The following ZFHX3 variants were observed in gnomAD, a reference collection of about 807,000 sequenced individuals.
ZFHX3 encodes zinc finger homeobox 3.
ZFHX3 carries 42 observed loss-of-function variants against 279.1 expected under a neutral mutation model. That is an observed-to-expected ratio of 0.15 (90% CI 0.12 to 0.19). The LOEUF (loss-of-function observed/expected upper bound fraction) is 0.19. Among genes scored for constraint, ZFHX3 ranks in the 10% least tolerant of loss-of-function variants. The pLI, the probability that ZFHX3 is intolerant of heterozygous loss-of-function variation, is 1.00. For synonymous variants in ZFHX3, 2,293 were observed against 1,957.8 expected, an observed-to-expected ratio of 1.17 and a Z score of -4.52; for missense variants, 4,981 against 4,754.0, an observed-to-expected ratio of 1.05 and a Z score of -1.40.
At chr16:73,862,481 A>T (rs1961909430) in intron 1 of ZFHX3, among the ~76,000 whole-genome samples, 1 of 152,204 alleles carries the variant, frequency 6.6e-6, no homozygotes, top group South Asian at 2.1e-4. Context: ...GAAGTATAGA[A>T]AGATGTGACG....
intron 2 of ZFHX3, among the ~76,000 whole-genome samples, chr16:73,548,322 A>G (rs1040536061): frequency 4.6e-5 from 7 of 152,328 alleles, no homozygotes; most frequent in Admixed American, 3.3e-4. Context: ...AATAAACCGA[A>G]CACTGGAGGC....
intron 3 of ZFHX3, among the ~76,000 whole-genome samples, chr16:73,376,081 C>G (rs1278125369): frequency 1.3e-5 from 2 of 152,188 alleles, no homozygotes; most frequent in African/African-American, 4.8e-5. Flanking sequence ...TCATGGCTAT[C>G]CTGTTCCTCC....
intron 4 of ZFHX3, among the ~76,000 whole-genome samples, chr16:73,310,963 T>C (rs2015310303): frequency 6.6e-6 from 1 of 152,234 alleles, no homozygotes; most frequent in African/African-American, 2.4e-5. Flanking sequence ...CCAGGTGCAG[T>C]GGCTCACGCC....
chr16:73,688,821 A>G (rs1431205656), intron 1 of ZFHX3, among the ~76,000 whole-genome samples: 2 of 152,164 alleles, frequency 1.3e-5, no homozygotes, highest in Non-Finnish European at 2.9e-5. Context: ...TATTCTCATG[A>G]CAGTGAGTAA....
chr16:72,981,161 C>T (rs1962581237), intron 1 of ZFHX3, among the ~76,000 whole-genome samples: 1 of 152,178 alleles, frequency 6.6e-6, no homozygotes, highest in Non-Finnish European at 1.5e-5. Context: ...TCAAACACCA[C>T]CATCTACTGA....
At chr16:73,290,739 G>C (rs1443775494) in intron 4 of ZFHX3, among the ~76,000 whole-genome samples, 2 of 151,650 alleles carry the variant, frequency 1.3e-5, no homozygotes, top group Non-Finnish European at 3.0e-5. Context: ...GATAGAGGAG[G>C]AAAGAGCCAC....
rs1430434148 is a variant in ZFHX3 at position 73,553,591 on chromosome 16, C to CCACTGGTCACCTCCAATGT, written c.-1546-97352_-1546-97334dup. On this transcript the variant is annotated intron_variant, in intron 2 of 17. Transcript: ENST00000641206. ...GAGCCATTTTCCAATATAGTCCAAA[C>CCACTGGTCACCTCCAATGT]CACTGGTCACCTCCAATGTCACTGG... Among the ~76,000 whole-genome samples the CCACTGGTCACCTCCAATGT allele has an allele frequency of 3.3e-5, 5 of 152,176 alleles. No homozygotes were observed. The East Asian group carries it at 9.6e-4, about 29-fold the overall frequency.
intron 2 of ZFHX3, among the ~76,000 whole-genome samples, chr16:73,534,097 T>C (rs1423256725): frequency 6.6e-6 from 1 of 152,142 alleles, no homozygotes; most frequent in African/African-American, 2.4e-5. Context: ...CCCATGTTCT[T>C]ACAAGGGCCT....
chr16:73,615,251 C>T (rs562304722), intron 2 of ZFHX3, among the ~76,000 whole-genome samples: 2 of 151,772 alleles, frequency 1.3e-5, no homozygotes, highest in Admixed American at 6.6e-5. Flanking sequence ...ATGCATGTCC[C>T]GAGACAACTG....
chr16:73,869,747 T>G (rs1033524749), intron 1 of ZFHX3, among the ~76,000 whole-genome samples: 15 of 152,358 alleles, frequency 9.8e-5, no homozygotes, highest in African/African-American at 3.6e-4. Flanking sequence ...GGTAACAGTA[T>G]TCATGATACA....
intron 2 of ZFHX3, among the ~76,000 whole-genome samples, chr16:73,526,891 T>A (rs2019704868): frequency 6.6e-6 from 1 of 151,766 alleles, no homozygotes. Context: ...TATCTAGTAT[T>A]CGGTACCTCT....
intron 3 of ZFHX3, among the ~76,000 whole-genome samples, chr16:72,949,365 G>A (rs139214067): frequency 6.6e-6 from 1 of 152,308 alleles, no homozygotes; most frequent in Non-Finnish European, 1.5e-5. Flanking sequence ...GAGAGAGCGA[G>A]GGAGTGGAAG....
intron 3 of ZFHX3, among the ~76,000 whole-genome samples, chr16:73,417,453 A>G (rs2017614301): frequency 7.1e-6 from 1 of 140,660 alleles, no homozygotes; most frequent in Non-Finnish European, 1.5e-5. Flanking sequence ...TTTGTCTTCA[A>G]ACTCCTGGGC....
At chr16:73,465,745 T>G (rs556100591) in intron 2 of ZFHX3, among the ~76,000 whole-genome samples, 2 of 152,198 alleles carry the variant, frequency 1.3e-5, no homozygotes, top group Non-Finnish European at 2.9e-5. Context: ...CCTTGTCCCT[T>G]GAGTTCTTCT....
In ZFHX3 at chr16:72,959,078, G is replaced by C; in HGVS notation, c.1068C>G (p.Asn356Lys). 1 of 1,614,238 alleles carries C rather than the reference G, an allele frequency of 6.2e-7. No individual in the cohort carries two copies. Among genetic ancestry groups the C allele is most frequent in the East Asian group, 2.2e-5 (1 of 44,882 alleles). The change falls in exon 2 of 10, where the codon AAC becomes AAG. Residue 356 changes from asparagine to lysine, a missense_variant. This residue lies in a region of ZFHX3 where 1,068 missense variants were observed against 935.2 expected (regional missense o/e 1.14). Coordinates refer to ENST00000268489, the MANE Select transcript of ZFHX3 (RefSeq NM_006885.4). ...AAAAACTGTGTCCGGGGCCTATGAG[G>C]TTAGCTGTGGAAACTAAAGGGTGTT... ...NFQHPLVSTA[N>K]LIGPGHSFYG...
chr16:72,904,547 G>C (rs1466068989), intron 3 of ZFHX3, among the ~76,000 whole-genome samples: 1 of 151,890 alleles, frequency 6.6e-6, no homozygotes, highest in African/African-American at 2.4e-5. Context: ...CCCCATCTCA[G>C]ATTTCAATCC....
In ZFHX3 at chr16:72,802,940, C is replaced by CGGTG. The variant is rs2036153618; in HGVS notation, c.3865-2812_3865-2811insCACC. ...CTTCCTTCAACACTTGCCTTGGCAC[C>CGGTG]CCCTTTGTTTTACAATCATATCTGG... On this transcript the variant is annotated intron_variant, in intron 7 of 9. Transcript: ENST00000268489. Among the ~76,000 whole-genome samples the CGGTG allele has an allele frequency of 2.0e-5, 3 of 152,220 alleles. No individual in the cohort carries two copies. The South Asian group carries it at 6.2e-4, about 32-fold the overall frequency.
intron 1 of ZFHX3, among the ~76,000 whole-genome samples, chr16:72,978,562 G>A (rs1661981490): frequency 6.6e-6 from 1 of 152,262 alleles, no homozygotes; most frequent in South Asian, 2.1e-4. Flanking sequence ...CAGAGGATTG[G>A]AAGTGCTCTC....
intron 4 of ZFHX3, among the ~76,000 whole-genome samples, chr16:72,867,970 A>T (rs1337958478): frequency 1.3e-5 from 2 of 152,198 alleles, no homozygotes; most frequent in Non-Finnish European, 2.9e-5. Flanking sequence ...GCGCCCAAGG[A>T]AGCATGGAAC....
Sources: allele counts gnomAD v4.1 joint callset (sites outside exome capture counted in the v4.1 genomes callset), GRCh38; gene constraint gnomAD v4.1.1; regional missense constraint gnomAD v4.1.1; transcripts MANE v1.5; gene names NCBI Gene and HGNC (gene_info 2026-07-23, HGNC 2026-07-21).